The following SCTR variants were observed in gnomAD, a reference collection of about 807,000 sequenced individuals.
SCTR encodes pancreatic secretin receptor.
SCTR carries 56 observed loss-of-function variants against 60.8 expected under a neutral mutation model. The observed-to-expected ratio is 0.92, with a 90% CI of 0.74 to 1.15. The LOEUF (loss-of-function observed/expected upper bound fraction) is 1.15, where lower values mean the gene tolerates loss of function less well. SCTR is among the 50% of genes most tolerant of loss of function. The pLI is 0.00. For synonymous variants in SCTR, 202 were observed against 217.0 expected, an observed-to-expected ratio of 0.93 and a Z score of 0.61; for missense variants, 562 against 550.4, an observed-to-expected ratio of 1.02 and a Z score of -0.21.
At chr2:119,505,266 A>G (rs1488856765) in intron 1 of SCTR, among the ~76,000 whole-genome samples, 1 of 149,468 alleles carries the variant, frequency 6.7e-6, no homozygotes, top group Admixed American at 6.7e-5. Context: ...AATAGCAAAG[A>G]CTTGGAACCA....
chr2:119,439,956 G>C lies in SCTR; in HGVS notation c.*161C>G. ...CCAGGCCCTTGTCCTGCCCCACAGT[G>C]CCTCACATCCCTTCGGAAGAGTCCA... On this transcript the variant is annotated 3_prime_UTR_variant, in exon 13 of 13. Coordinates refer to ENST00000019103, the MANE Select transcript of SCTR (RefSeq NM_002980.3). The C allele has an allele frequency of 2.9e-6, 2 of 701,138 alleles. No individual in the cohort carries two copies. Among genetic ancestry groups the C allele is most frequent in the Non-Finnish European group, 4.6e-6 (2 of 435,838 alleles). 43.4% of individuals were successfully genotyped at this position (701,138 alleles called of 1,614,324 possible).
intron 4 of SCTR, among the ~76,000 whole-genome samples, chr2:119,469,441 A>G (rs922503211): frequency 6.6e-6 from 1 of 152,102 alleles, no homozygotes; most frequent in Non-Finnish European, 1.5e-5. Flanking sequence ...TCACCCACCC[A>G]GAAACAGCCT....
intron 1 of SCTR, among the ~76,000 whole-genome samples, chr2:119,498,123 GC>G (rs2104910830): frequency 6.6e-6 from 1 of 152,154 alleles, no homozygotes; most frequent in African/African-American, 2.4e-5. Context: ...AACCTAGAAA[GC>G]AGCCAGAGAA....
At chr2:119,510,940 G>C (rs995398527) in intron 1 of SCTR, among the ~76,000 whole-genome samples, 1 of 152,060 alleles carries the variant, frequency 6.6e-6, no homozygotes, top group Non-Finnish European at 1.5e-5. Context: ...GCTCACGCCT[G>C]TAATCCCAGC....
chr2:119,461,498 G>C (rs1286876957), intron 7 of SCTR, among the ~76,000 whole-genome samples: 1 of 152,156 alleles, frequency 6.6e-6, no homozygotes, highest in Non-Finnish European at 1.5e-5. Flanking sequence ...GATCACCTGA[G>C]GTCAGGAGTT....
chr2:119,487,995 A>G (rs2104881421), intron 2 of SCTR, among the ~76,000 whole-genome samples: 1 of 152,078 alleles, frequency 6.6e-6, no homozygotes, highest in Middle Eastern at 3.4e-3. Context: ...TTCTCCTCTT[A>G]GTCTTTTAGG....
chr2:119,440,083 G>C lies in SCTR; in HGVS notation c.*34C>G, dbSNP rs1372528129. Reference sequence around the variant, plus strand: ...GCCCAGCCTTCGCAGGACCTCTCTTGGTCTCTGTCCGTGGGTGACCCTGCT... The same window carrying C: ...GCCCAGCCTTCGCAGGACCTCTCTTCGTCTCTGTCCGTGGGTGACCCTGCT... On this transcript the variant is annotated 3_prime_UTR_variant, in exon 13 of 13. Transcript: ENST00000019103. 1 of 1,601,796 alleles carries C rather than the reference G, an allele frequency of 6.2e-7. No individual in the cohort carries two copies. Among genetic ancestry groups the C allele is most frequent in the African/African-American group, 1.3e-5 (1 of 74,764 alleles).
At position 119,478,804 on chromosome 2, in the gene SCTR, T is replaced by A; in HGVS notation, c.301+7A>T. ...TGTCCGCCAGGCCCCATGGGCCGAG[T>A]GGTTACCATTTCTGCTGGTGAGCAT... On this transcript the variant is annotated splice_region_variant and intron_variant, in intron 3 of 12. Transcript: ENST00000019103. 1 of 1,613,810 alleles carries A rather than the reference T, an allele frequency of 6.2e-7. No homozygotes were observed. Among genetic ancestry groups the A allele is most frequent in the Admixed American group, 1.7e-5 (1 of 59,986 alleles).
At position 119,494,551 on chromosome 2, in the gene SCTR, G is replaced by T. The variant is rs771379302; in HGVS notation, c.73-3C>A. The stretch of plus-strand genomic sequence containing the variant: ...CATAGTCGGGGAAGGGCTCCAGTCT[G>T]CAAGTCCAAAACCAGGGATGCTCAT... On this transcript the variant is annotated splice_region_variant and splice_polypyrimidine_tract_variant and intron_variant, in intron 1 of 12. Transcript: ENST00000019103. 2.2e-5 allele frequency: 36 copies of T among 1,613,540 alleles called. No homozygotes were observed. Among genetic ancestry groups the T allele is most frequent in the Non-Finnish European group, 3.1e-5 (36 of 1,179,638 alleles).
chr2:119,441,801 C>T (rs1682666869), intron 11 of SCTR: 1 of 569,140 alleles, frequency 1.8e-6, no homozygotes, highest in South Asian at 1.9e-5. Flanking sequence ...CCAGCATAAA[C>T]TGTGAACTCC....
chr2:119,524,026 G>C (rs1679373020), intron 1 of SCTR, 129 bp downstream of exon 1: 2 of 699,436 alleles, frequency 2.9e-6, no homozygotes, highest in East Asian at 3.0e-5. Context: ...AGGATTGGGA[G>C]GGAAGAGTCC....
At chr2:119,460,008 T>A (rs1373906996) in intron 7 of SCTR, among the ~76,000 whole-genome samples, 2 of 151,782 alleles carry the variant, frequency 1.3e-5, no homozygotes, top group Non-Finnish European at 2.9e-5. Context: ...TCTAGAGACG[T>A]CGGCATAACT....
intron 7 of SCTR, among the ~76,000 whole-genome samples, chr2:119,459,916 C>T (rs1448346995): frequency 6.6e-6 from 1 of 152,086 alleles, no homozygotes; most frequent in Non-Finnish European, 1.5e-5. Flanking sequence ...GTGAACTGGG[C>T]TCAGTGAGTT....
At chr2:119,470,750 G>C (rs1676973760) in intron 4 of SCTR, among the ~76,000 whole-genome samples, 1 of 152,172 alleles carries the variant, frequency 6.6e-6, no homozygotes, top group South Asian at 2.1e-4. Flanking sequence ...GCCCAGGCTG[G>C]AGCGCAGTGG....
chr2:119,445,405 G>A (rs1052292150), intron 11 of SCTR, among the ~76,000 whole-genome samples: 2 of 152,164 alleles, frequency 1.3e-5, no homozygotes, highest in Admixed American at 6.5e-5. Flanking sequence ...GGGCACTGAC[G>A]GGTTACTGGG....
chr2:119,455,279 G>A (rs13431074), intron 7 of SCTR, among the ~76,000 whole-genome samples: 6,394 of 152,254 alleles, frequency 0.042, 448 homozygotes, highest in African/African-American at 0.14. Context: ...GCCATGGGGG[G>A]ACCCCCCAAC....
At chr2:119,440,344 GC>G in intron 12 of SCTR, 87 bp from the exon 13 acceptor site, 1 of 1,452,892 alleles carries the variant, frequency 6.9e-7, no homozygotes, top group Non-Finnish European at 9.3e-7. Context: ...CTCCACGCAG[GC>G]CCTGCCACTC....
chr2:119,481,373 C>T (rs1197214700), intron 2 of SCTR, among the ~76,000 whole-genome samples: 1 of 152,200 alleles, frequency 6.6e-6, no homozygotes, highest in Non-Finnish European at 1.5e-5. Flanking sequence ...CTCCAGCCTA[C>T]ATCAGAATGA....
intron 7 of SCTR, among the ~76,000 whole-genome samples, chr2:119,454,378 G>A (rs572015300): frequency 6.6e-6 from 1 of 152,238 alleles, no homozygotes; most frequent in South Asian, 2.1e-4. Context: ...CTGAACCAAG[G>A]AGAACAGGGC....
Sources: gnomAD v4.1 joint callset for allele counts (sites outside exome capture counted in the v4.1 genomes callset) on GRCh38, gnomAD v4.1.1 for gene constraint, MANE v1.5 for transcripts, NCBI Gene and HGNC (gene_info 2026-07-23, HGNC 2026-07-21) for gene names.